PSKH1: variants seen among roughly 807,000 people sequenced by gnomAD.
PSKH1 encodes the protein protein serine kinase H1.
A neutral mutation model predicts 26.7 loss-of-function variants in PSKH1; 12 were observed. The ratio of observed to expected loss-of-function variants is 0.45; its 90% CI spans 0.29 to 0.73. PSKH1 has a LOEUF of 0.73. Among genes scored for constraint, PSKH1 ranks in the 30% least tolerant of loss-of-function variants. The pLI, the probability that PSKH1 is intolerant of heterozygous loss-of-function variation, is 0.11. For missense variants in PSKH1, 431 were observed against 595.2 expected (o/e 0.72, Z 2.87); for synonymous variants, 213 against 234.3 (o/e 0.91, Z 0.83).
chr16:67,914,496 C>A (rs775951707), intron 2 of PSKH1, among the ~76,000 whole-genome samples: 3 of 150,576 alleles, frequency 2.0e-5, no homozygotes, highest in Non-Finnish European at 4.4e-5. Flanking sequence ...GCTCTGTCGC[C>A]CAGGCTGGAG....
intron 2 of PSKH1, among the ~76,000 whole-genome samples, chr16:67,919,951 G>A (rs914668100): frequency 6.6e-6 from 1 of 152,092 alleles, no homozygotes; most frequent in Non-Finnish European, 1.5e-5. Context: ...AGACCCACCC[G>A]CCACGCTGCT....
intron 1 of PSKH1, among the ~76,000 whole-genome samples, chr16:67,906,387 T>C (rs2058156171): frequency 6.8e-6 from 1 of 146,434 alleles, no homozygotes; most frequent in South Asian, 2.2e-4. Context: ...TTTTTTTTCT[T>C]TTAAGACAGA....
chr16:67,925,458 C>G (rs1232434910), intron 2 of PSKH1, among the ~76,000 whole-genome samples: 1 of 152,018 alleles, frequency 6.6e-6, no homozygotes, highest in Non-Finnish European at 1.5e-5. Context: ...TCCCAAAGTG[C>G]TGGGATTACA....
At chr16:67,925,453 A>G (rs2058213375) in intron 2 of PSKH1, among the ~76,000 whole-genome samples, 1 of 151,880 alleles carries the variant, frequency 6.6e-6, no homozygotes, top group African/African-American at 2.4e-5. Context: ...CAGCCTCCCA[A>G]AGTGCTGGGA....
chr16:67,902,246 C>T (rs1419876967), intron 1 of PSKH1, among the ~76,000 whole-genome samples: 1 of 149,886 alleles, frequency 6.7e-6, no homozygotes, highest in African/African-American at 2.5e-5. Flanking sequence ...GGTGATAAAG[C>T]GAGACTCCAT....
chr16:67,894,932 T>C (rs1376750267), intron 1 of PSKH1, among the ~76,000 whole-genome samples: 1 of 151,596 alleles, frequency 6.6e-6, no homozygotes, highest in Non-Finnish European at 1.5e-5. Context: ...TTTTTTTTTT[T>C]TTTTTTTTTT....
intron 2 of PSKH1, among the ~76,000 whole-genome samples, chr16:67,915,434 G>A (rs1365274280): frequency 6.6e-6 from 1 of 152,126 alleles, no homozygotes; most frequent in Non-Finnish European, 1.5e-5. Flanking sequence ...ATCCGTCTGG[G>A]ACATTTCCTG....
chr16:67,894,841 CAGCCT>C lies in PSKH1; in HGVS notation c.-71+1471_-71+1475del, dbSNP rs2058121507. On this transcript the variant is annotated intron_variant, in intron 1 of 2. Transcript: ENST00000291041. ...CAGCGTATGTGTGTGGTAGGTAGTA[CAGCCT>C]CTTAATCCTGGATAGTCCAAAATCT... 2.0e-5 allele frequency among the ~76,000 whole-genome samples: 3 copies of C among 151,754 alleles called. No homozygotes were observed. In the South Asian group the frequency reaches 6.2e-4, roughly 31 times the overall value.
At chr16:67,922,388 T>C (rs2058205053) in intron 2 of PSKH1, among the ~76,000 whole-genome samples, 1 of 152,106 alleles carries the variant, frequency 6.6e-6, no homozygotes, top group African/African-American at 2.4e-5. Flanking sequence ...GGTCTGAAAA[T>C]ACATCTTGAA....
At chr16:67,923,428 C>T (rs1446854153) in intron 2 of PSKH1, among the ~76,000 whole-genome samples, 1 of 152,186 alleles carries the variant, frequency 6.6e-6, no homozygotes, top group African/African-American at 2.4e-5. Flanking sequence ...AGCCCTCACT[C>T]ACGCAGCAGT....
At chr16:67,917,780 G>C (rs1171862552) in intron 2 of PSKH1, among the ~76,000 whole-genome samples, 1 of 152,184 alleles carries the variant, frequency 6.6e-6, no homozygotes, top group Non-Finnish European at 1.5e-5. Flanking sequence ...GCCCAGGGCT[G>C]GTGTGTGCTT....
chr16:67,893,328 C>T lies in PSKH1; in HGVS notation c.-114C>T. 1 of 157,510 alleles carries T rather than the reference C, an allele frequency of 6.3e-6. No individual in the cohort carries two copies. The highest frequency in any genetic ancestry group is 1.4e-5 in the Non-Finnish European group (1 of 71,982). 9.8% of individuals were successfully genotyped at this position (157,510 alleles called of 1,614,324 possible). On this transcript the variant is annotated 5_prime_UTR_variant, in exon 1 of 3. Transcript: ENST00000291041. The stretch of plus-strand genomic sequence containing the variant: ...GCCGCTGCCATTGCCCGGAGATGGC[C>T]GGCAGAGCCGCCGAGACGCCGAAGA...
Position 67,909,434 on chromosome 16 carries a change from C to A in PSKH1, c.685C>A (p.Pro229Thr), listed in dbSNP as rs2058166850. Residue 229 changes from proline to threonine, a missense_variant, in exon 2 of 3, where the codon CCG (proline) becomes ACG (threonine). Transcript: ENST00000291041. The surrounding 1 kb of genome is among the most constrained non-coding windows in gnomAD (Gnocchi z 7.8). ...LKPENLLYYHPGTDSKIIITD... is the reference protein window; with the variant it reads ...LKPENLLYYHTGTDSKIIITD... Reference sequence around the variant, plus strand: ...ACCTGAGAATCTGCTCTACTACCATCCGGGCACTGACTCCAAGATCATCAT... The same window carrying A: ...ACCTGAGAATCTGCTCTACTACCATACGGGCACTGACTCCAAGATCATCAT... 1.9e-6 allele frequency: 3 copies of A among 1,613,462 alleles called. No homozygotes were observed. Among genetic ancestry groups the A allele is most frequent in the Non-Finnish European group, 2.5e-6 (3 of 1,180,018 alleles).
intron 1 of PSKH1, among the ~76,000 whole-genome samples, chr16:67,904,701 C>G (rs1362059696): frequency 2.0e-5 from 3 of 152,046 alleles, no homozygotes; most frequent in Non-Finnish European, 4.4e-5. Flanking sequence ...AGGCTAGTCT[C>G]AAACTCCTGC....
intron 1 of PSKH1, among the ~76,000 whole-genome samples, chr16:67,895,363 C>G (rs1265015225): frequency 1.3e-5 from 2 of 151,968 alleles, no homozygotes; most frequent in Non-Finnish European, 2.9e-5. Flanking sequence ...CCACACCTGA[C>G]CCACTCTTTG....
At chr16:67,894,691 G>T (rs2058121110) in intron 1 of PSKH1, among the ~76,000 whole-genome samples, 1 of 152,126 alleles carries the variant, frequency 6.6e-6, no homozygotes, top group African/African-American at 2.4e-5. Context: ...CTGGCTCTGT[G>T]CCTGGCATAA....
chr16:67,918,326 G>A (rs1399021909), intron 2 of PSKH1, among the ~76,000 whole-genome samples: 3 of 152,038 alleles, frequency 2.0e-5, no homozygotes, highest in African/African-American at 7.2e-5. Flanking sequence ...GCCAGTCTCT[G>A]AGCTGTGGGT....
At chr16:67,922,228 G>A (rs2058204527) in intron 2 of PSKH1, among the ~76,000 whole-genome samples, 1 of 152,108 alleles carries the variant, frequency 6.6e-6, no homozygotes, top group Admixed American at 6.6e-5. Flanking sequence ...TTCGTCGTGG[G>A]CAGCATGACA....
chr16:67,911,696 G>T (rs1222820937), intron 2 of PSKH1, among the ~76,000 whole-genome samples: 1 of 152,104 alleles, frequency 6.6e-6, no homozygotes, highest in Non-Finnish European at 1.5e-5. Flanking sequence ...CAAAAAAAAA[G>T]AGTCACCCAA....
Sources: allele counts gnomAD v4.1 joint callset (sites outside exome capture counted in the v4.1 genomes callset), GRCh38; gene constraint gnomAD v4.1.1; non-coding constraint Gnocchi (gnomAD v3.1); transcripts MANE v1.5; gene names NCBI Gene and HGNC (gene_info 2026-07-23, HGNC 2026-07-21).